Variants in EPHA6 observed in about 807,000 individuals in gnomAD.
EPHA6 encodes ephrin type-A receptor 6.
Under a neutral mutation model 112.0 loss-of-function variants are expected in EPHA6, and 50 were observed. The ratio of observed to expected loss-of-function variants is 0.45; its 90% CI spans 0.36 to 0.56. The LOEUF (loss-of-function observed/expected upper bound fraction) is 0.56, where lower values mean the gene tolerates loss of function less well. Among genes scored for constraint, EPHA6 ranks in the 20% least tolerant of loss-of-function variants. The pLI, the probability that EPHA6 is intolerant of heterozygous loss-of-function variation, is 0.00. For missense variants in EPHA6, 1,280 were observed against 1,417.4 expected (o/e 0.90, Z 1.56); for synonymous variants, 529 against 490.7 (o/e 1.08, Z -1.03).
At chr3:97,143,996 A>G (rs1041792357) in intron 3 of EPHA6, among the ~76,000 whole-genome samples, 1 of 151,672 alleles carries the variant, frequency 6.6e-6, no homozygotes, top group Non-Finnish European at 1.5e-5. Flanking sequence ...TGGCAGATGT[A>G]TATTTTGTGT....
chr3:97,419,610 A>G (rs1026465), intron 6 of EPHA6, among the ~76,000 whole-genome samples: 149,392 of 152,216 alleles, frequency 0.98, 73,390 homozygotes, highest in East Asian at 1. Context: ...GTGTGACAGA[A>G]TGAGACTCCC....
chr3:97,194,604 G>T (rs1559789825), intron 3 of EPHA6, among the ~76,000 whole-genome samples: 1 of 134,588 alleles, frequency 7.4e-6, no homozygotes, highest in South Asian at 2.4e-4. Context: ...AGTGTAGATT[G>T]AGTCCACTGT....
intron 3 of EPHA6, among the ~76,000 whole-genome samples, chr3:97,186,125 C>A (rs143128782): frequency 0.012 from 1,892 of 152,010 alleles, 34 homozygotes; most frequent in African/African-American, 0.044. Context: ...TGACGCGTTA[C>A]TGGGTGCAGC....
At chr3:97,637,550 T>TG (rs2093958708) in intron 13 of EPHA6, among the ~76,000 whole-genome samples, 1 of 152,160 alleles carries the variant, frequency 6.6e-6, no homozygotes. Flanking sequence ...GCCTTTTTTT[T>TG]GGCAGACTTT....
chr3:96,940,967 A>T (rs1559609028), intron 2 of EPHA6, among the ~76,000 whole-genome samples: 3 of 152,124 alleles, frequency 2.0e-5, no homozygotes, highest in South Asian at 4.1e-4. Flanking sequence ...CCGAGAGATC[A>T]GCTGTTAGTC....
intron 10 of EPHA6, among the ~76,000 whole-genome samples, chr3:97,515,601 GGTA>G (rs891849663): frequency 1.1e-4 from 17 of 152,286 alleles, no homozygotes; most frequent in African/African-American, 3.8e-4. Context: ...GAAGAAATCA[GGTA>G]GTATGAGAGG....
chr3:96,874,769 T>G (rs897747352), intron 2 of EPHA6, among the ~76,000 whole-genome samples: 1 of 152,072 alleles, frequency 6.6e-6, no homozygotes, highest in African/African-American at 2.4e-5. Flanking sequence ...TTTTAGGAAT[T>G]TAGGATTTCT....
At chr3:97,240,362 A>G (rs1237351427) in intron 4 of EPHA6, among the ~76,000 whole-genome samples, 1 of 151,882 alleles carries the variant, frequency 6.6e-6, no homozygotes, top group Non-Finnish European at 1.5e-5. Flanking sequence ...TTAATAAACC[A>G]TGCACTACAT....
intron 6 of EPHA6, among the ~76,000 whole-genome samples, chr3:97,429,641 CAG>C (rs71657676): frequency 0.11 from 17,486 of 152,096 alleles, 3,189 homozygotes; most frequent in African/African-American, 0.38. Flanking sequence ...GAAGTTTATT[CAG>C]AGTCCTTAGT....
chr3:96,820,174 C>G (rs1302449755), intron 1 of EPHA6, among the ~76,000 whole-genome samples: 2 of 152,002 alleles, frequency 1.3e-5, no homozygotes, highest in African/African-American at 4.8e-5. Flanking sequence ...AAGAGAGTTG[C>G]AGAAAGTGAA....
intron 2 of EPHA6, among the ~76,000 whole-genome samples, chr3:96,979,680 G>A (rs556043530): frequency 1.3e-5 from 2 of 152,110 alleles, no homozygotes; most frequent in African/African-American, 4.8e-5. Context: ...GTGTAAAAGT[G>A]TTCCTATTTC....
At chr3:97,202,284 G>A (rs1024740096) in intron 3 of EPHA6, among the ~76,000 whole-genome samples, 5 of 151,988 alleles carry the variant, frequency 3.3e-5, no homozygotes, top group Non-Finnish European at 7.4e-5. Flanking sequence ...GAAGAAGCTT[G>A]AGGTCAATGC....
At chr3:97,492,547 CAAAAAAAAAAAAAAAAAAAAAAAAAAA>C (rs780244403) in intron 10 of EPHA6, among the ~76,000 whole-genome samples, 34 of 28,938 alleles carry the variant, frequency 1.2e-3, no homozygotes, top group Middle Eastern at 0.028. Context: ...GACTCAGTCT[CAAAAAAAAAAAAAAAAAAAAAAAAAAA>C]AAAAAAAAAA....
intron 5 of EPHA6, among the ~76,000 whole-genome samples, chr3:97,344,061 A>T (rs567959652): frequency 7.9e-5 from 12 of 152,302 alleles, no homozygotes; most frequent in South Asian, 6.2e-4. Context: ...TCGGAAGCAC[A>T]TAACTTGTTT....
intron 13 of EPHA6, among the ~76,000 whole-genome samples, chr3:97,631,109 C>T (rs1340734953): frequency 6.6e-6 from 1 of 151,752 alleles, no homozygotes; most frequent in Non-Finnish European, 1.5e-5. Flanking sequence ...TTTGTAAACC[C>T]CAAAAATATT....
chr3:97,309,929 T>C (rs2081478902), intron 5 of EPHA6, among the ~76,000 whole-genome samples: 1 of 151,736 alleles, frequency 6.6e-6, no homozygotes. Context: ...TATAAGTCAC[T>C]GAATTACTTT....
At chr3:97,737,136 G>A (rs781341344) in intron 16 of EPHA6, among the ~76,000 whole-genome samples, 11 of 152,128 alleles carry the variant, frequency 7.2e-5, no homozygotes, top group South Asian at 2.1e-4. Flanking sequence ...CTATTACTCC[G>A]GCCCATCTTC....
chr3:97,605,386 C>T (rs1338411919), intron 12 of EPHA6, among the ~76,000 whole-genome samples: 5 of 151,428 alleles, frequency 3.3e-5, no homozygotes, highest in Non-Finnish European at 7.4e-5. Flanking sequence ...AGTTTGAGTT[C>T]TTACATTTAA....
intron 5 of EPHA6, among the ~76,000 whole-genome samples, chr3:97,333,214 T>G (rs2082884606): frequency 6.6e-6 from 1 of 152,130 alleles, no homozygotes; most frequent in African/African-American, 2.4e-5. Context: ...TATTCAATTT[T>G]ACCTGGAGCA....
Sources: gnomAD v4.1 joint callset for allele counts (sites outside exome capture counted in the v4.1 genomes callset) on GRCh38, gnomAD v4.1.1 for gene constraint, MANE v1.5 for transcripts, NCBI Gene and HGNC (gene_info 2026-07-23, HGNC 2026-07-21) for gene names.